Variants in PRKAA2 observed in about 807,000 individuals in gnomAD.
PRKAA2 encodes protein kinase AMP-activated catalytic subunit alpha 2.
PRKAA2 carries 40 observed loss-of-function variants against 56.3 expected under a neutral mutation model. The ratio of observed to expected loss-of-function variants is 0.71; its 90% CI spans 0.55 to 0.92. PRKAA2 has a LOEUF of 0.92. Ranked by LOEUF, PRKAA2 falls within the 40% of genes least tolerant of loss-of-function variation. The pLI is 0.00. For synonymous variants in PRKAA2, 214 were observed against 234.2 expected (o/e 0.91, Z 0.79); for missense variants, 542 against 686.9 (o/e 0.79, Z 2.36).
chr1:56,704,698 A>G (rs1401165978), intron 7 of PRKAA2, among the ~76,000 whole-genome samples: 1 of 148,830 alleles, frequency 6.7e-6, no homozygotes, highest in African/African-American at 2.5e-5. Flanking sequence ...AAAAGTAATC[A>G]ACTAGAAATC....
chr1:56,700,498 T>A (rs1257082263), intron 6 of PRKAA2, among the ~76,000 whole-genome samples: 1 of 152,194 alleles, frequency 6.6e-6, no homozygotes, highest in Non-Finnish European at 1.5e-5. Flanking sequence ...CAGAAATATA[T>A]CAGAGCTTTC....
intron 1 of PRKAA2, among the ~76,000 whole-genome samples, chr1:56,673,968 G>T (rs992705341): frequency 1.3e-5 from 2 of 151,138 alleles, no homozygotes; most frequent in Non-Finnish European, 3.0e-5. Flanking sequence ...GTGAATTTTT[G>T]ATTTATTACA....
At chr1:56,669,579 C>T (rs1199931400) in intron 1 of PRKAA2, among the ~76,000 whole-genome samples, 1 of 152,034 alleles carries the variant, frequency 6.6e-6, no homozygotes, top group Non-Finnish European at 1.5e-5. Flanking sequence ...AACCTCTCTG[C>T]AAATTTTTAC....
At chr1:56,703,849 G>A (rs1364950396) in intron 6 of PRKAA2, 122 bp from the exon 7 acceptor site, 1 of 1,093,548 alleles carries the variant, frequency 9.1e-7, no homozygotes, top group Non-Finnish European at 1.3e-6. Context: ...TAGCTAGTAA[G>A]TGGCAGAGCT....
In PRKAA2 at chr1:56,707,608, C is replaced by T. The variant is rs1346741719; in HGVS notation, c.1554C>T (p.Gly518=). ...ESHSLSGSLT[G]SLTGSTLSSV... is the part of the protein sequence containing the mutation. ...ATTCACTTTCTGGCTCTCTCACTGG[C>T]TCTTTGACCGGAAGCACATTGTCTT... Residue 518 remains glycine (G), a synonymous_variant, in exon 9 of 9, where the codon GGC becomes GGT. Transcript: ENST00000371244. 1.2e-6 allele frequency: 2 copies of T among 1,613,928 alleles called. No individual in the cohort carries two copies. Among genetic ancestry groups the T allele is most frequent in the Non-Finnish European group, 8.5e-7 (1 of 1,179,974 alleles).
At chr1:56,706,350 A>T (rs1341659401) in intron 8 of PRKAA2, 132 bp downstream of exon 8, 2 of 945,906 alleles carry the variant, frequency 2.1e-6, no homozygotes, top group Non-Finnish European at 3.0e-6. Context: ...GACTTAACCA[A>T]AATGTAAGTG....
At chr1:56,683,547 G>A (rs1280339016) in intron 2 of PRKAA2, among the ~76,000 whole-genome samples, 1 of 152,024 alleles carries the variant, frequency 6.6e-6, no homozygotes, top group African/African-American at 2.4e-5. Context: ...TAGGCACTAG[G>A]GATACAGCAA....
chr1:56,683,415 T>C (rs1438149114), intron 2 of PRKAA2, among the ~76,000 whole-genome samples: 1 of 152,130 alleles, frequency 6.6e-6, no homozygotes, highest in Non-Finnish European at 1.5e-5. Flanking sequence ...GTGAGGAATA[T>C]GGTGTATTGG....
chr1:56,686,883 C>CT (rs144698190), intron 2 of PRKAA2, among the ~76,000 whole-genome samples: 103 of 128,558 alleles, frequency 8.0e-4, no homozygotes, highest in African/African-American at 2.7e-3. Flanking sequence ...CCTAAATACT[C>CT]TTTTTTTTTT....
Position 56,709,518 on chromosome 1 carries a change from A to C in PRKAA2, c.*1805A>C, listed in dbSNP as rs1433477271. 3.3e-5 allele frequency: 5 copies of C among 152,150 alleles called. No homozygotes were observed. The highest frequency in any genetic ancestry group is 1.3e-4 in the Admixed American group (2 of 15,262). The allele number at this position is 152,150 out of a possible 1,614,324, so 9.4% of individuals were successfully genotyped here. A position where few individuals can be genotyped will look rare whatever the true frequency, so the allele number is the denominator to read the frequency against. ...GTAATTTTTACATGATTATTTGTAT[A>C]GTGATAAGCAGTCCTGCTGTGTTAG... On this transcript the variant is annotated 3_prime_UTR_variant, in exon 9 of 9. Transcript: ENST00000371244.
At chr1:56,658,367 G>A (rs903315830) in intron 1 of PRKAA2, among the ~76,000 whole-genome samples, 2 of 152,122 alleles carry the variant, frequency 1.3e-5, no homozygotes, top group Admixed American at 1.3e-4. Context: ...GAAGCATGTG[G>A]AATAAGAGAG....
chr1:56,704,108 A>G lies in PRKAA2; in HGVS notation c.926A>G (p.Asn309Ser). 1 of 1,614,190 alleles carries G rather than the reference A, an allele frequency of 6.2e-7. No individual in the cohort carries two copies. Among genetic ancestry groups the G allele is most frequent in the Non-Finnish European group, 8.5e-7 (1 of 1,180,020 alleles). ...GAATGTACAGAATCAGAAGTAATGA[A>G]CAGTTTATATAGTGGTGACCCTCAA... ...KFECTESEVM[N>S]SLYSGDPQDQ... Residue 309 changes from asparagine (N) to serine (S), a missense_variant, in exon 7 of 9, where the codon AAC becomes AGC. Asn to Ser is a conservative substitution (Grantham distance 46). Transcript: ENST00000371244.
intron 1 of PRKAA2, among the ~76,000 whole-genome samples, chr1:56,655,280 A>ATATATATAT: frequency 0.098 from 9,126 of 93,524 alleles, 763 homozygotes; most frequent in East Asian, 0.18. Context: ...ATATATATAT[A>ATATATATAT]TTTTTTTTTT....
rs765403334 is a variant in PRKAA2, at chr1:56,706,085, A to T, written c.1294-7A>T. ...AGTTTATTATTTTTATTGATTTTTC[A>T]CTTTAGGTAGTGAATGCATACCATC... On this transcript the variant is annotated splice_polypyrimidine_tract_variant and splice_region_variant and intron_variant, in intron 7 of 8. Coordinates refer to ENST00000371244, the MANE Select transcript of PRKAA2 (RefSeq NM_006252.4). The T allele has an allele frequency of 6.3e-7, 1 of 1,590,582 alleles. No homozygotes were observed. The highest frequency in any genetic ancestry group is 1.2e-5 in the South Asian group (1 of 86,612).
chr1:56,652,158 G>A (rs1038208541), intron 1 of PRKAA2, among the ~76,000 whole-genome samples: 9 of 150,578 alleles, frequency 6.0e-5, no homozygotes, highest in African/African-American at 1.7e-4. Context: ...GACTACAGGC[G>A]TGCACCACCA....
intron 1 of PRKAA2, among the ~76,000 whole-genome samples, chr1:56,647,547 A>C (rs766987742): frequency 1.2e-4 from 18 of 152,288 alleles, no homozygotes; most frequent in Admixed American, 4.6e-4. Flanking sequence ...GATTTATGAG[A>C]AATTCTTTTC....
Position 56,707,472 on chromosome 1 carries a change from C to A in PRKAA2, c.1421-3C>A. On this transcript the variant is annotated splice_region_variant and splice_polypyrimidine_tract_variant and intron_variant, in intron 8 of 8. Coordinates refer to ENST00000371244, the MANE Select transcript of PRKAA2 (RefSeq NM_006252.4). The stretch of plus-strand genomic sequence containing the variant: ...TAAATTGCTCTTCTTTGGTCCATTT[C>A]AGATGAAGTAGTGGAGCAGAGATCT... 6.2e-7 allele frequency: 1 copy of A among 1,613,240 alleles called. No individual in the cohort carries two copies.
At chr1:56,667,515 G>A (rs375146477) in intron 1 of PRKAA2, among the ~76,000 whole-genome samples, 18 of 151,950 alleles carry the variant, frequency 1.2e-4, no homozygotes, top group Middle Eastern at 3.4e-3. Flanking sequence ...TAAATCTTTC[G>A]TTGGGTAACC....
At chr1:56,690,869 C>T (rs557071801) in intron 2 of PRKAA2, among the ~76,000 whole-genome samples, 1 of 152,140 alleles carries the variant, frequency 6.6e-6, no homozygotes, top group Non-Finnish European at 1.5e-5. Flanking sequence ...TTTTCAAAAT[C>T]GGTTCCATAA....
Sources: allele counts gnomAD v4.1 joint callset (sites outside exome capture counted in the v4.1 genomes callset), GRCh38; gene constraint gnomAD v4.1.1; transcripts MANE v1.5; gene names NCBI Gene and HGNC (gene_info 2026-07-23, HGNC 2026-07-21).